The following LHFPL6 variants were observed in gnomAD, a reference collection of about 807,000 sequenced individuals.
LHFPL6 encodes LHFPL tetraspan subfamily member 6, also known as LHFPL tetraspan subfamily member 6 protein.
Under a neutral mutation model 20.6 loss-of-function variants are expected in LHFPL6, and 9 were observed. That is an observed-to-expected ratio of 0.44 (90% confidence interval 0.26 to 0.76). LHFPL6 has a LOEUF of 0.76. Ranked by LOEUF, LHFPL6 falls within the 30% of genes least tolerant of loss-of-function variation. The pLI, the probability that LHFPL6 is intolerant of heterozygous loss-of-function variation, is 0.20. For synonymous variants in LHFPL6, 105 were observed against 98.7 expected, an observed-to-expected ratio of 1.06 and a Z score of -0.38; for missense variants, 218 against 253.5, an observed-to-expected ratio of 0.86 and a Z score of 0.95.
chr13:39,413,205 T>G (rs1871273250), intron 2 of LHFPL6, among the ~76,000 whole-genome samples: 1 of 152,186 alleles, frequency 6.6e-6, no homozygotes, highest in Admixed American at 6.5e-5. Flanking sequence ...CTGGAATATT[T>G]AACGAAGGAA....
chr13:39,440,669 T>A (rs1485435583), intron 2 of LHFPL6, among the ~76,000 whole-genome samples: 1 of 152,132 alleles, frequency 6.6e-6, no homozygotes, highest in Non-Finnish European at 1.5e-5. Context: ...GGTGCACTCA[T>A]GGCTCACTGC....
At chr13:39,506,343 G>A (rs564879838) in intron 2 of LHFPL6, among the ~76,000 whole-genome samples, 75 of 152,144 alleles carry the variant, frequency 4.9e-4, no homozygotes, top group Non-Finnish European at 8.7e-4. Flanking sequence ...AAGGGGTGAG[G>A]ATCCTAATGG....
chr13:39,412,954 C>T (rs1871267434), intron 2 of LHFPL6, among the ~76,000 whole-genome samples: 1 of 151,602 alleles, frequency 6.6e-6, no homozygotes, highest in Admixed American at 6.6e-5. Context: ...TTGTAAATGG[C>T]AGCAAGGGAA....
intron 2 of LHFPL6, among the ~76,000 whole-genome samples, chr13:39,422,677 A>G (rs1219053507): frequency 6.6e-6 from 1 of 151,996 alleles, no homozygotes; most frequent in Non-Finnish European, 1.5e-5. Flanking sequence ...TTTTATCTGG[A>G]AAGTTCTCAT....
intron 2 of LHFPL6, among the ~76,000 whole-genome samples, chr13:39,434,933 G>A (rs1254250334): frequency 6.6e-6 from 1 of 151,578 alleles, no homozygotes; most frequent in African/African-American, 2.4e-5. Flanking sequence ...GCGGGCGCCT[G>A]TAGTCCCAGC....
intron 2 of LHFPL6, among the ~76,000 whole-genome samples, chr13:39,398,202 G>C (rs1291929046): frequency 6.6e-6 from 1 of 152,184 alleles, no homozygotes; most frequent in Non-Finnish European, 1.5e-5. Context: ...GCTTCTCTTT[G>C]CCTGTTTTCC....
At chr13:39,557,952 G>A (rs1015868289) in intron 2 of LHFPL6, among the ~76,000 whole-genome samples, 1 of 152,136 alleles carries the variant, frequency 6.6e-6, no homozygotes, top group Non-Finnish European at 1.5e-5. Flanking sequence ...TGACACACCT[G>A]CTCCCCCTTT....
At chr13:39,541,407 C>A (rs1039671274) in intron 2 of LHFPL6, among the ~76,000 whole-genome samples, 12 of 152,224 alleles carry the variant, frequency 7.9e-5, no homozygotes, top group Non-Finnish European at 2.9e-5. Flanking sequence ...CAGGCCCTCC[C>A]CTAGCTGTGC....
At chr13:39,561,593 G>A (rs1381665065) in intron 2 of LHFPL6, among the ~76,000 whole-genome samples, 1 of 152,172 alleles carries the variant, frequency 6.6e-6, no homozygotes, top group Non-Finnish European at 1.5e-5. Context: ...CTCCCAAGTA[G>A]CTGGAATCAT....
chr13:39,403,998 G>C (rs1458804173), intron 2 of LHFPL6, among the ~76,000 whole-genome samples: 1 of 152,164 alleles, frequency 6.6e-6, no homozygotes, highest in South Asian at 2.1e-4. Flanking sequence ...TGTTGTTTTT[G>C]CCTCAAGTAA....
chr13:39,426,618 G>C (rs1005003098), intron 2 of LHFPL6, among the ~76,000 whole-genome samples: 1 of 152,144 alleles, frequency 6.6e-6, no homozygotes. Flanking sequence ...ATTTCACTTA[G>C]AATAACATTT....
At chr13:39,581,850 C>A (rs1872297548) in intron 2 of LHFPL6, among the ~76,000 whole-genome samples, 1 of 152,310 alleles carries the variant, frequency 6.6e-6, no homozygotes, top group East Asian at 1.9e-4. Flanking sequence ...AAAGTAGACA[C>A]AGCTAGGAGC....
intron 2 of LHFPL6, among the ~76,000 whole-genome samples, chr13:39,535,791 T>C (rs1047599395): frequency 2.6e-5 from 4 of 152,218 alleles, no homozygotes; most frequent in African/African-American, 9.6e-5. Context: ...CTGCTGTGAT[T>C]TTACCTCTTC....
Position 39,361,296 on chromosome 13 carries a change from C to T in LHFPL6, c.484+17132G>A, listed in dbSNP as rs1869860498. On this transcript the variant is annotated intron_variant, in intron 3 of 3. Transcript: ENST00000379589. ...TTTTTTTCTTTCAAATTTTGAGCCT[C>T]TGAAGAATTTTTTTTAATTTTTTTT... Among the ~76,000 whole-genome samples, 2 of 59,878 alleles carry T rather than the reference C, an allele frequency of 3.3e-5. 1 individual carries two copies. Among genetic ancestry groups the T allele is most frequent in the African/African-American group, 8.6e-5 (2 of 23,374 alleles). The allele number at this position is 59,878 out of a possible 152,430, so 39.3% of individuals were successfully genotyped here.
At chr13:39,572,264 C>G (rs947489792) in intron 2 of LHFPL6, among the ~76,000 whole-genome samples, 5 of 149,360 alleles carry the variant, frequency 3.3e-5, no homozygotes, top group Non-Finnish European at 7.4e-5. Context: ...TGGCTCAGAG[C>G]CGTGGTAGTA....
At chr13:39,542,603 C>T (rs962780700) in intron 2 of LHFPL6, among the ~76,000 whole-genome samples, 2 of 152,240 alleles carry the variant, frequency 1.3e-5, no homozygotes, top group African/African-American at 4.8e-5. Flanking sequence ...AGCCACTCCA[C>T]TGTCAGGATG....
chr13:39,568,214 A>G (rs1427863462), intron 2 of LHFPL6, among the ~76,000 whole-genome samples: 1 of 152,216 alleles, frequency 6.6e-6, no homozygotes, highest in Non-Finnish European at 1.5e-5. Flanking sequence ...GTAACAGCAG[A>G]GAATAGGAAA....
intron 2 of LHFPL6, among the ~76,000 whole-genome samples, chr13:39,444,007 A>G (rs1264706042): frequency 1.3e-5 from 2 of 152,136 alleles, no homozygotes; most frequent in Non-Finnish European, 2.9e-5. Flanking sequence ...CAATGGGTTT[A>G]TCAAGATGTA....
chr13:39,474,140 T>C (rs1873019581), intron 2 of LHFPL6, among the ~76,000 whole-genome samples: 1 of 152,250 alleles, frequency 6.6e-6, no homozygotes, highest in African/African-American at 2.4e-5. Context: ...AGATATTTTA[T>C]GGGTATGCCT....
Sources: allele counts gnomAD v4.1 joint callset (sites outside exome capture counted in the v4.1 genomes callset), GRCh38; gene constraint gnomAD v4.1.1; transcripts MANE v1.5; gene names NCBI Gene and HGNC (gene_info 2026-07-23, HGNC 2026-07-21).